Variants in ATG7 observed in about 807,000 individuals in gnomAD.
The protein encoded by ATG7 is ubiquitin-like modifier-activating enzyme ATG7.
Under a neutral mutation model 82.4 loss-of-function variants are expected in ATG7, and 70 were observed. That is an observed-to-expected ratio of 0.85 (90% confidence interval 0.70 to 1.04). The LOEUF is 1.04. ATG7 is among the 50% of genes least tolerant of loss of function. ATG7 has a pLI of 0.00. For synonymous variants in ATG7, 287 were observed against 313.0 expected, an observed-to-expected ratio of 0.92 and a Z score of 0.88; for missense variants, 792 against 864.3, an observed-to-expected ratio of 0.92 and a Z score of 1.05.
chr3:11,519,539 GTTTTTTTTTTTTTTTTTTT>G lies in ATG7; in HGVS notation c.2080-35252_2080-35234del, dbSNP rs574523805. Among the ~76,000 whole-genome samples, 109 of 62,212 alleles carry G rather than the reference GTTTTTTTTTTTTTTTTTTT, an allele frequency of 1.8e-3. No homozygotes were observed. The East Asian group carries it at 0.034, about 19-fold the overall frequency. 40.8% of individuals were successfully genotyped at this position (62,212 alleles called of 152,430 possible). ...TCATGAAAGGCAGGCAGTGAGAGGA[GTTTTTTTTTTTTTTTTTTT>G]TTTTTTTTTTTTTTTTTTTGAGACG... On this transcript the variant is annotated intron_variant, in intron 20 of 20. Coordinates refer to ENST00000693202, the MANE Select transcript of ATG7 (RefSeq NM_001349232.2).
chr3:11,453,203 C>CGG (rs201157896), intron 20 of ATG7, among the ~76,000 whole-genome samples: 1 of 152,140 alleles, frequency 6.6e-6, no homozygotes, highest in Non-Finnish European at 1.5e-5. Context: ...GGAGAACAGA[C>CGG]GGGGGGCGTG....
chr3:11,407,535 T>A lies in ATG7; in HGVS notation c.1957-19269T>A, dbSNP rs376879684. Among the ~76,000 whole-genome samples the A allele has an allele frequency of 3.9e-5, 6 of 152,280 alleles. No homozygotes were observed. In the East Asian group the frequency reaches 1.2e-3, roughly 29 times the overall value. On this transcript the variant is annotated intron_variant, in intron 19 of 20. Coordinates refer to ENST00000693202, the MANE Select transcript of ATG7 (RefSeq NM_001349232.2). ...TCTGTGTGGGGGCTCTCACCCCACATTTTCCTTCCACACTGCCCTAGCAGA... is the reference window on the plus strand; with the variant it reads ...TCTGTGTGGGGGCTCTCACCCCACAATTTCCTTCCACACTGCCCTAGCAGA...
chr3:11,462,734 A>AC (rs890886242), intron 20 of ATG7, among the ~76,000 whole-genome samples: 6 of 151,554 alleles, frequency 4.0e-5, no homozygotes, highest in African/African-American at 9.7e-5. Flanking sequence ...TCCTCTCGCC[A>AC]CCCCCCCAGG....
intron 13 of ATG7, 38 bp from the exon 14 acceptor site, chr3:11,347,839 T>G (rs757228550): frequency 6.3e-7 from 1 of 1,589,096 alleles, no homozygotes. Context: ...TGTGAAATGT[T>G]CATCAGAAAC....
At chr3:11,281,482 G>GA (rs890139673) in intron 2 of ATG7, among the ~76,000 whole-genome samples, 27 of 152,102 alleles carry the variant, frequency 1.8e-4, no homozygotes, top group African/African-American at 4.6e-4. Flanking sequence ...TCTTATCTTT[G>GA]AAAAATCAGG....
chr3:11,453,165 G>A (rs555748716), intron 20 of ATG7, among the ~76,000 whole-genome samples: 1 of 152,318 alleles, frequency 6.6e-6, no homozygotes, highest in South Asian at 2.1e-4. Context: ...ATGTTGAGGG[G>A]GCTGAGAGTT....
chr3:11,456,424 T>G (rs2085720582), intron 20 of ATG7, among the ~76,000 whole-genome samples: 1 of 152,234 alleles, frequency 6.6e-6, no homozygotes, highest in African/African-American at 2.4e-5. Flanking sequence ...TTTGCTGTTA[T>G]GAATTATGCT....
chr3:11,552,360 A>G (rs1294016789), intron 20 of ATG7, among the ~76,000 whole-genome samples: 1 of 152,088 alleles, frequency 6.6e-6, no homozygotes, highest in Non-Finnish European at 1.5e-5. Context: ...GAGTATTGAT[A>G]TTTTTTAAAA....
intron 19 of ATG7, among the ~76,000 whole-genome samples, chr3:11,402,117 A>G (rs563652364): frequency 5.4e-4 from 82 of 152,310 alleles, no homozygotes; most frequent in African/African-American, 1.9e-3. Context: ...GTTTCACATG[A>G]CTAGCAAAAG....
intron 20 of ATG7, among the ~76,000 whole-genome samples, chr3:11,485,958 T>C (rs1198523238): frequency 6.6e-6 from 1 of 152,146 alleles, no homozygotes. Flanking sequence ...TGTAGTATAG[T>C]TTGAAGTCAG....
chr3:11,521,864 G>T (rs1401217829), intron 20 of ATG7, among the ~76,000 whole-genome samples: 2 of 152,088 alleles, frequency 1.3e-5, no homozygotes, highest in Admixed American at 6.6e-5. Context: ...AGCCCAGGAA[G>T]TTTTGTGGGG....
chr3:11,358,706 G>T, intron 15 of ATG7, 94 bp downstream of exon 15: 3 of 1,348,526 alleles, frequency 2.2e-6, no homozygotes, highest in Non-Finnish European at 3.0e-6. Context: ...GGGCAGAGAT[G>T]TGGTTTGTGT....
intron 19 of ATG7, among the ~76,000 whole-genome samples, chr3:11,380,722 G>A (rs2077828560): frequency 6.6e-6 from 1 of 152,138 alleles, no homozygotes; most frequent in South Asian, 2.1e-4. Context: ...GCTGCCCAGC[G>A]ACTTGACCTG....
downstream of ATG7, chr3:11,559,289 C>T (rs149896915): frequency 4.3e-4 from 643 of 1,493,900 alleles, 8 homozygotes; most frequent in East Asian, 0.014. Context: ...GCTCTGCTGC[C>T]ACTAGCACAG....
At chr3:11,422,481 A>G (rs1480474328) in intron 19 of ATG7, among the ~76,000 whole-genome samples, 1 of 152,188 alleles carries the variant, frequency 6.6e-6, no homozygotes, top group African/African-American at 2.4e-5. Context: ...CATAGAAGTA[A>G]AGGGACTTTT....
intron 18 of ATG7, among the ~76,000 whole-genome samples, chr3:11,369,443 G>A (rs562279201): frequency 2.0e-5 from 3 of 151,074 alleles, no homozygotes; most frequent in African/African-American, 7.3e-5. Context: ...CCCTCAACAG[G>A]TAATCTGACT....
chr3:11,499,298 C>T (rs1389001109), intron 20 of ATG7, among the ~76,000 whole-genome samples: 1 of 152,092 alleles, frequency 6.6e-6, no homozygotes, highest in Admixed American at 6.6e-5. Flanking sequence ...CACATACTTG[C>T]TCTTATGAAA....
chr3:11,499,770 A>G (rs1293385124), intron 20 of ATG7, among the ~76,000 whole-genome samples: 1 of 151,880 alleles, frequency 6.6e-6, no homozygotes, highest in African/African-American at 2.4e-5. Context: ...AAAAGAAACA[A>G]AAAATCTAAA....
intron 20 of ATG7, among the ~76,000 whole-genome samples, chr3:11,538,206 G>T (rs1445832489): frequency 6.6e-6 from 1 of 152,184 alleles, no homozygotes. Flanking sequence ...AATAACCGAG[G>T]GCCTCGTGGC....
Sources: allele counts gnomAD v4.1 joint callset (sites outside exome capture counted in the v4.1 genomes callset), GRCh38; gene constraint gnomAD v4.1.1; transcripts MANE v1.5; gene names NCBI Gene and HGNC (gene_info 2026-07-23, HGNC 2026-07-21).